The following RNF212B variants were observed in gnomAD, a reference collection of about 807,000 sequenced individuals.
RNF212B encodes E3 ubiquitin-protein ligase RNF212B.
A neutral mutation model predicts 55.5 loss-of-function variants in RNF212B; 52 were observed. The ratio of observed to expected loss-of-function variants is 0.94; its 90% CI spans 0.75 to 1.18. RNF212B has a LOEUF of 1.18. Among genes scored for constraint, RNF212B ranks in the 50% most tolerant of loss-of-function variants. The pLI, the probability that RNF212B is intolerant of heterozygous loss-of-function variation, is 0.00. For synonymous variants in RNF212B, 99 were observed against 121.4 expected (o/e 0.82, Z 1.21); for missense variants, 289 against 350.4 (o/e 0.82, Z 1.40).
Position 23,256,179 on chromosome 14 carries a change from C to T in RNF212B, c.229-2370C>T, listed in dbSNP as rs1884818109. 2.0e-5 allele frequency among the ~76,000 whole-genome samples: 3 copies of T among 152,146 alleles called. No homozygotes were observed. The South Asian group carries it at 6.2e-4, about 32-fold the overall frequency. On this transcript the variant is annotated intron_variant, in intron 4 of 14. Transcript: ENST00000430154. The stretch of plus-strand genomic sequence containing the variant: ...AGGATTTGGCTTATCTTGATGCTAG[C>T]CTGATTTTGACATAATTTTACTCCT...
Position 23,208,774 on chromosome 14 carries a change from TTTG to T in RNF212B, c.-2+15374_-2+15376del, listed in dbSNP as rs1452543464. ...TGGTTGCCGTTTTTTTTTTTTTTTT[TTTG>T]AGACGGAGTCTCACTCTGTCGCCCA... On this transcript the variant is annotated intron_variant, in intron 2 of 15. Coordinates refer to the RNF212B transcript ENST00000399910. Among the ~76,000 whole-genome samples the T allele has an allele frequency of 1.1e-4, 16 of 142,486 alleles. 2 individuals are homozygous for T. The highest frequency in any genetic ancestry group is 3.7e-4 in the African/African-American group (13 of 35,338). The allele number at this position is 142,486 out of a possible 152,430, so 93.5% of individuals were successfully genotyped here.
chr14:23,210,268 C>T (rs1411614381), intron 2 of RNF212B, among the ~76,000 whole-genome samples: 1 of 152,192 alleles, frequency 6.6e-6, no homozygotes, highest in African/African-American at 2.4e-5. Flanking sequence ...TTCCTTAAAA[C>T]CGTCAAGCTC....
At chr14:23,217,046 T>C (rs77738001) in intron 2 of RNF212B, among the ~76,000 whole-genome samples, 1,924 of 152,034 alleles carry the variant, frequency 0.013, 38 homozygotes, top group African/African-American at 0.042. Flanking sequence ...AACAAGAAGG[T>C]TCCCGGGGTC....
chr14:23,218,022 C>T (rs1246523506), intron 2 of RNF212B, among the ~76,000 whole-genome samples: 2 of 152,072 alleles, frequency 1.3e-5, no homozygotes, highest in Admixed American at 6.5e-5. Flanking sequence ...CTATTAGATA[C>T]ATTTAACAAA....
chr14:23,231,251 G>C (rs915486640), intron 2 of RNF212B, among the ~76,000 whole-genome samples: 1 of 152,124 alleles, frequency 6.6e-6, no homozygotes, highest in Non-Finnish European at 1.5e-5. Flanking sequence ...AACAAGTCTT[G>C]TGCCTCTCCT....
intron 11 of RNF212B, among the ~76,000 whole-genome samples, chr14:23,268,340 G>A (rs145601493): frequency 3.3e-4 from 51 of 152,320 alleles, no homozygotes; most frequent in African/African-American, 1.2e-3. Flanking sequence ...TGGTTTTCAA[G>A]GCTATCATGG....
rs559076694 is a variant in RNF212B, at chr14:23,262,676, C to G, written c.446C>G (p.Pro149Arg). 6 of 1,550,434 alleles carry G rather than the reference C, an allele frequency of 3.9e-6. No individual in the cohort carries two copies. In the African/African-American group the frequency reaches 8.2e-5, roughly 21 times the overall value. ...SRYQGSRSIT[P>R]RPVGITSPSQ... Reference sequence around the variant, plus strand: ...TTTTTCCCTTGCAGGTCAATCACACCTCGACCAGTGGGCATTACTTCCCCA... The same window carrying G: ...TTTTTCCCTTGCAGGTCAATCACACGTCGACCAGTGGGCATTACTTCCCCA... Residue 149 changes from proline (P) to arginine (R), a missense_variant, in exon 8 of 15, where the codon CCT (proline) becomes CGT (arginine). By Grantham distance (103) the Pro-to-Arg change is moderately radical. Transcript: ENST00000430154.
chr14:23,210,805 G>T (rs1011636945), intron 2 of RNF212B, among the ~76,000 whole-genome samples: 1 of 123,680 alleles, frequency 8.1e-6, no homozygotes, highest in Non-Finnish European at 1.7e-5. Context: ...AGAAATGTAG[G>T]ATGATAACAT....
At chr14:23,212,667 C>T (rs555850201) in intron 2 of RNF212B, among the ~76,000 whole-genome samples, 42 of 151,958 alleles carry the variant, frequency 2.8e-4, no homozygotes, top group Non-Finnish European at 4.7e-4. Context: ...CTGCAAGCTC[C>T]GCCTCCTGGG....
At chr14:23,243,982 G>T (rs1215728802) in intron 3 of RNF212B, among the ~76,000 whole-genome samples, 1 of 151,958 alleles carries the variant, frequency 6.6e-6, no homozygotes, top group Non-Finnish European at 1.5e-5. Flanking sequence ...GGAGGCTGAG[G>T]CAGAAGAATC....
rs927410676 is a variant in RNF212B, at chr14:23,203,162, A to G, written c.-2+9761A>G. ...TCACCCCCAAGATCCCAAAGTCCCCAAAGTCCATTATATCATTCTTATGCC... is the reference window on the plus strand; with the variant it reads ...TCACCCCCAAGATCCCAAAGTCCCCGAAGTCCATTATATCATTCTTATGCC... On this transcript the variant is annotated intron_variant, in intron 2 of 15. Coordinates refer to the RNF212B transcript ENST00000399910. 2.6e-5 allele frequency among the ~76,000 whole-genome samples: 4 copies of G among 151,496 alleles called. No individual in the cohort carries two copies. The East Asian group carries it at 5.9e-4, about 22-fold the overall frequency.
At chr14:23,203,972 T>C (rs1879585344) in intron 2 of RNF212B, among the ~76,000 whole-genome samples, 1 of 152,260 alleles carries the variant, frequency 6.6e-6, no homozygotes, top group South Asian at 2.1e-4. Flanking sequence ...TGCATTTCCC[T>C]GATCACTAGT....
intron 2 of RNF212B, among the ~76,000 whole-genome samples, chr14:23,215,970 G>C (rs980674010): frequency 9.9e-5 from 15 of 152,234 alleles, no homozygotes; most frequent in African/African-American, 3.6e-4. Context: ...CATTTGCCGG[G>C]TGTGGTGGCT....
At chr14:23,258,390 C>A in intron 4 of RNF212B, 159 bp from the exon 5 acceptor site, 1 of 356,312 alleles carries the variant, frequency 2.8e-6, no homozygotes, top group Non-Finnish European at 5.0e-6. Flanking sequence ...GAAATGAGTG[C>A]TGAGCTCTCT....
chr14:23,231,930 G>T (rs1433920783), intron 2 of RNF212B, among the ~76,000 whole-genome samples: 1 of 139,588 alleles, frequency 7.2e-6, no homozygotes, highest in Non-Finnish European at 1.5e-5. Context: ...ACGGAGTCTC[G>T]TTCACTCAGT....
rs1167891020 is a variant in RNF212B, at chr14:23,194,755, AAAC to A, written c.-2+1358_-2+1360del. 3.1e-3 allele frequency among the ~76,000 whole-genome samples: 467 copies of A among 150,320 alleles called. 4 individuals are homozygous for A. Among genetic ancestry groups the A allele is most frequent in the African/African-American group, 9.5e-3 (385 of 40,316 alleles). On this transcript the variant is annotated intron_variant, in intron 2 of 15. Transcript: ENST00000399910. ...GTCTCAAAAAAAAAAAAAAAAAAAAAAACAACGCTGCTGTATCAAACAGGCCAG... is the reference window on the plus strand; with the variant it reads ...GTCTCAAAAAAAAAAAAAAAAAAAAAAACGCTGCTGTATCAAACAGGCCAG...
intron 8 of RNF212B, 79 bp from the exon 9 acceptor site, chr14:23,262,848 AC>A: frequency 6.9e-7 from 1 of 1,458,250 alleles, no homozygotes; most frequent in Non-Finnish European, 9.4e-7. Context: ...TAACCAGATA[AC>A]CATGTACAAC....
At position 23,264,211 on chromosome 14, in the gene RNF212B, G is replaced by C; in HGVS notation, c.562G>C (p.Ala188Pro). The change falls in exon 10 of 15, where the codon GCT (alanine) becomes CCT (proline). Residue 188 changes from alanine (A) to proline (P), a missense_variant. Transcript: ENST00000430154. ...AGCGGAATCTATTCCTTATAGAGAG[G>C]CTGGCTTTGGTAGCTTGGGACAAGT... ...SSAESIPYRE[A>P]GFGSLGQGGR... 1 of 1,549,990 alleles carries C rather than the reference G, an allele frequency of 6.5e-7. No homozygotes were observed. The highest frequency in any genetic ancestry group is 1.7e-4 in the Middle Eastern group (1 of 5,992).
upstream of RNF212B, among the ~76,000 whole-genome samples, chr14:23,236,782 A>G (rs1722567255): frequency 1.3e-5 from 2 of 151,982 alleles, no homozygotes; most frequent in Admixed American, 1.3e-4. Flanking sequence ...CTCTAAGTGG[A>G]TTCCTCAGGA....
Sources: allele counts gnomAD v4.1 joint callset (sites outside exome capture counted in the v4.1 genomes callset), GRCh38; gene constraint gnomAD v4.1.1; transcripts MANE v1.5; gene names NCBI Gene and HGNC (gene_info 2026-07-23, HGNC 2026-07-21).